Variants in LTBP1 observed in about 807,000 individuals in gnomAD.
The protein encoded by LTBP1 is latent transforming growth factor beta binding protein 1, also known as latent-transforming growth factor beta-binding protein 1.
In LTBP1, 129 loss-of-function variants were observed where a neutral mutation model predicts 207.6. The observed-to-expected ratio is 0.62, with a 90% CI of 0.54 to 0.72. The LOEUF is 0.72. Ranked by LOEUF, LTBP1 falls within the 30% of genes least tolerant of loss-of-function variation. LTBP1 has a pLI of 0.00. For synonymous variants in LTBP1, 963 were observed against 833.7 expected (o/e 1.16, Z -2.67); for missense variants, 2,281 against 2,217.2 (o/e 1.03, Z -0.58).
At chr2:33,155,331 G>A (rs2083886782) in intron 5 of LTBP1, among the ~76,000 whole-genome samples, 4 of 152,156 alleles carry the variant, frequency 2.6e-5, no homozygotes, top group Admixed American at 2.6e-4. Flanking sequence ...GCCTCCCAAA[G>A]TGCTAGGATT....
intron 2 of LTBP1, among the ~76,000 whole-genome samples, chr2:32,995,724 G>A (rs781613679): frequency 2.4e-4 from 36 of 152,196 alleles, no homozygotes; most frequent in Non-Finnish European, 4.7e-4. Context: ...AGGAGGCCAA[G>A]CCTGCAGTGA....
chr2:32,998,742 CT>C (rs1685674474), intron 2 of LTBP1, among the ~76,000 whole-genome samples: 1 of 152,074 alleles, frequency 6.6e-6, no homozygotes, highest in Non-Finnish European at 1.5e-5. Flanking sequence ...AAGAGCTTGC[CT>C]CCCCACTCTG....
chr2:33,217,500 C>T, intron 7 of LTBP1, 52 bp from the exon 8 acceptor site: 3 of 1,273,380 alleles, frequency 2.4e-6, no homozygotes, highest in Non-Finnish European at 3.4e-6. Flanking sequence ...TGCTCTGGGG[C>T]TGGGCATCCT....
At chr2:33,295,322 T>A (rs1293733313) in intron 20 of LTBP1, among the ~76,000 whole-genome samples, 2 of 151,608 alleles carry the variant, frequency 1.3e-5, no homozygotes, top group African/African-American at 4.8e-5. Context: ...AAGTCAGGAG[T>A]TCGAGACCAG....
chr2:33,238,741 T>TA (rs2092172138), intron 9 of LTBP1, among the ~76,000 whole-genome samples: 1 of 152,232 alleles, frequency 6.6e-6, no homozygotes, highest in Non-Finnish European at 1.5e-5. Context: ...ATTATCTCTG[T>TA]AAAATGGAAT....
At chr2:33,187,188 A>T in intron 6 of LTBP1, 108 bp downstream of exon 6, 1 of 879,348 alleles carries the variant, frequency 1.1e-6, no homozygotes, top group East Asian at 2.6e-5. Context: ...AACAGAAAGG[A>T]GTACATGATT....
chr2:32,981,306 C>G (rs1372753663), intron 2 of LTBP1, among the ~76,000 whole-genome samples: 1 of 151,976 alleles, frequency 6.6e-6, no homozygotes, highest in African/African-American at 2.4e-5. Flanking sequence ...TATAATTTTT[C>G]TTGGTAGCTG....
intron 5 of LTBP1, among the ~76,000 whole-genome samples, chr2:33,157,096 C>G (rs2084037475): frequency 6.6e-6 from 1 of 152,244 alleles, no homozygotes; most frequent in Non-Finnish European, 1.5e-5. Flanking sequence ...CATAATTTTC[C>G]CCCTTTCTAG....
chr2:33,276,250 G>A (rs2093424174), intron 18 of LTBP1, among the ~76,000 whole-genome samples: 1 of 152,188 alleles, frequency 6.6e-6, no homozygotes, highest in African/African-American at 2.4e-5. Flanking sequence ...CTGGGAACAT[G>A]CTGCAGGTGT....
chr2:33,173,135 G>T (rs1324768955), intron 5 of LTBP1, among the ~76,000 whole-genome samples: 1 of 151,982 alleles, frequency 6.6e-6, no homozygotes, highest in African/African-American at 2.4e-5. Flanking sequence ...GCTAGCAGAA[G>T]GCAAGAAATA....
intron 5 of LTBP1, among the ~76,000 whole-genome samples, chr2:33,136,408 T>C (rs1257325604): frequency 1.3e-5 from 2 of 152,240 alleles, no homozygotes; most frequent in Non-Finnish European, 2.9e-5. Flanking sequence ...TAAATGGGAT[T>C]GTATTTAATG....
chr2:33,180,607 A>T (rs565155162), intron 5 of LTBP1, among the ~76,000 whole-genome samples: 1 of 152,004 alleles, frequency 6.6e-6, no homozygotes, highest in South Asian at 2.1e-4. Context: ...ACATGCCACC[A>T]TGTCTGGCTA....
At position 33,378,189 on chromosome 2, in the gene LTBP1, G is replaced by A. The variant is rs1390762138; in HGVS notation, c.4712-10995G>A. On this transcript the variant is annotated intron_variant, in intron 31 of 33. Transcript: ENST00000404816. ...TTTACTTTCATATATATATATATGT[G>A]TGTGTGTGTGTGTGTGTGTGTGTGT... is the stretch of plus-strand genomic sequence containing the variant. Among the ~76,000 whole-genome samples, 604 of 94,148 alleles carry A rather than the reference G, an allele frequency of 6.4e-3. 2 individuals carry two copies. Among genetic ancestry groups the A allele is most frequent in the African/African-American group, 0.026 (571 of 22,006 alleles). 61.8% of individuals were successfully genotyped at this position (94,148 alleles called of 152,430 possible). A position where few individuals can be genotyped will look rare whatever the true frequency, so the allele number is the denominator to read the frequency against.
rs760702803 is a variant in LTBP1, at chr2:33,021,188, C to A, written c.845C>A (p.Pro282His). 1 of 1,598,400 alleles carries A rather than the reference C, an allele frequency of 6.3e-7. No individual in the cohort carries two copies. ...AAGCCGAAGCCTTCAGTGGGACTCCCCCAGCAGATACATTCTCAGTGAGTG... is the reference window on the plus strand; with the variant it reads ...AAGCCGAAGCCTTCAGTGGGACTCCACCAGCAGATACATTCTCAGTGAGTG... ...TLKPKPSVGLPQQIHSQVTPL... is the reference protein window; with the variant it reads ...TLKPKPSVGLHQQIHSQVTPL... Residue 282 changes from proline (P) to histidine (H), a missense_variant, in exon 3 of 34, where the codon CCC becomes CAC. Pro to His is a moderately conservative substitution (Grantham distance 77, BLOSUM62 -2). Transcript: ENST00000404816.
chr2:33,388,687 G>T (rs185939182), intron 31 of LTBP1, among the ~76,000 whole-genome samples: 168 of 152,250 alleles, frequency 1.1e-3, no homozygotes, highest in African/African-American at 3.8e-3. Context: ...AGTTATAATC[G>T]TGACTACTAA....
chr2:33,296,824 A>G (rs908220088), intron 20 of LTBP1, among the ~76,000 whole-genome samples: 1 of 152,146 alleles, frequency 6.6e-6, no homozygotes, highest in African/African-American at 2.4e-5. Context: ...TTACTTCACT[A>G]AGCCTTACTT....
intron 2 of LTBP1, among the ~76,000 whole-genome samples, chr2:32,985,067 T>A (rs1312804205): frequency 6.6e-6 from 1 of 152,240 alleles, no homozygotes; most frequent in Non-Finnish European, 1.5e-5. Context: ...ATTAGACTTA[T>A]ATTTTGGATA....
chr2:33,041,957 C>T (rs935993920), intron 3 of LTBP1, among the ~76,000 whole-genome samples: 20 of 152,122 alleles, frequency 1.3e-4, no homozygotes, highest in Non-Finnish European at 5.9e-5. Flanking sequence ...ATTTTGTTTC[C>T]TTACCAGCCG....
chr2:33,344,714 C>T (rs2094678585), intron 25 of LTBP1, among the ~76,000 whole-genome samples: 1 of 152,220 alleles, frequency 6.6e-6, no homozygotes, highest in African/African-American at 2.4e-5. Flanking sequence ...GGTATACCAC[C>T]TGCAGACCGC....
Sources: gnomAD v4.1 joint callset for allele counts (sites outside exome capture counted in the v4.1 genomes callset) on GRCh38, gnomAD v4.1.1 for gene constraint, MANE v1.5 for transcripts, NCBI Gene and HGNC (gene_info 2026-07-23, HGNC 2026-07-21) for gene names.